The following RBFOX1 variants were observed in gnomAD, a reference collection of about 807,000 sequenced individuals.
RBFOX1 encodes the protein RNA binding fox-1 homolog 1, also known as RNA binding protein fox-1 homolog 1.
RBFOX1 carries 8 observed loss-of-function variants against 57.7 expected under a neutral mutation model. The ratio of observed to expected loss-of-function variants is 0.14; its 90% confidence interval spans 0.08 to 0.25. RBFOX1 has a LOEUF of 0.25. RBFOX1 is among the 10% of genes least tolerant of loss of function. The pLI is 1.00. For missense variants in RBFOX1, 611 were observed against 548.5 expected (o/e 1.11, Z -1.14); for synonymous variants, 326 against 222.4 (o/e 1.47, Z -4.15).
chr16:7,252,906 G>C (rs1418754812), intron 4 of RBFOX1, among the ~76,000 whole-genome samples: 1 of 152,046 alleles, frequency 6.6e-6, no homozygotes, highest in Non-Finnish European at 1.5e-5. Context: ...CGTTATCTTA[G>C]AGCCTCCAAA....
At position 5,805,099 on chromosome 16, in the gene RBFOX1, C is replaced by G. The variant is rs528098558; in HGVS notation, c.319-62204C>G. Among the ~76,000 whole-genome samples, 21 of 151,908 alleles carry G rather than the reference C, an allele frequency of 1.4e-4. No homozygotes were observed. The South Asian group carries it at 4.2e-3, about 30-fold the overall frequency. On this transcript the variant is annotated intron_variant, in intron 3 of 19. Coordinates refer to the RBFOX1 transcript ENST00000641259. ...GAAGGTGATCTAGTGTGGATTTGGG[C>G]TAAAAGCTGGGAAGGGGGCAGTTTG...
intron 4 of RBFOX1, among the ~76,000 whole-genome samples, chr16:7,477,145 G>C (rs1270216795): frequency 1.3e-5 from 2 of 152,078 alleles, no homozygotes; most frequent in East Asian, 3.9e-4. Flanking sequence ...TCACACATGA[G>C]AATCACAAAA....
At chr16:6,165,229 A>G (rs938029434) in intron 1 of RBFOX1, among the ~76,000 whole-genome samples, 1 of 152,206 alleles carries the variant, frequency 6.6e-6, no homozygotes, top group African/African-American at 2.4e-5. Flanking sequence ...ATGATGAATG[A>G]AAGGCTTTAC....
chr16:7,327,477 C>T (rs112808028), intron 4 of RBFOX1, among the ~76,000 whole-genome samples: 1 of 152,104 alleles, frequency 6.6e-6, no homozygotes, highest in Non-Finnish European at 1.5e-5. Context: ...ATAATCTGCA[C>T]AAATCTGTAT....
At chr16:5,554,557 G>A (rs1037277670) in intron 2 of RBFOX1, among the ~76,000 whole-genome samples, 1 of 152,048 alleles carries the variant, frequency 6.6e-6, no homozygotes, top group Non-Finnish European at 1.5e-5. Flanking sequence ...ATCAGATAGT[G>A]TATATTTCTA....
chr16:5,778,259 C>T (rs1271686680), intron 3 of RBFOX1, among the ~76,000 whole-genome samples: 2 of 152,160 alleles, frequency 1.3e-5, no homozygotes, highest in African/African-American at 2.4e-5. Flanking sequence ...CAAGGCATTC[C>T]TTGGCACCTT....
chr16:6,579,944 CT>C (rs200301160), intron 2 of RBFOX1, among the ~76,000 whole-genome samples: 2 of 151,808 alleles, frequency 1.3e-5, no homozygotes, highest in African/African-American at 2.4e-5. Context: ...ACCTGTTCAT[CT>C]TTTTTTTGTT....
intron 1 of RBFOX1, among the ~76,000 whole-genome samples, chr16:6,189,794 C>G (rs1191406636): frequency 6.6e-6 from 1 of 152,152 alleles, no homozygotes; most frequent in Non-Finnish European, 1.5e-5. Context: ...TGGATATTTT[C>G]TCCCTTTCTG....
At chr16:6,015,731 C>T (rs2094989617), upstream of RBFOX1, among the ~76,000 whole-genome samples, 1 of 152,208 alleles carries the variant, frequency 6.6e-6, no homozygotes, top group South Asian at 2.1e-4. Flanking sequence ...TATTTATCTT[C>T]TCTATTTAGA....
At chr16:6,512,120 A>C (rs1230261500) in intron 2 of RBFOX1, among the ~76,000 whole-genome samples, 1 of 125,034 alleles carries the variant, frequency 8.0e-6, no homozygotes, top group Admixed American at 7.5e-5. Context: ...AAATAAAATG[A>C]AAAAAAAAAA....
At chr16:5,711,008 A>T (rs1220434643) in intron 3 of RBFOX1, among the ~76,000 whole-genome samples, 1 of 152,230 alleles carries the variant, frequency 6.6e-6, no homozygotes, top group Non-Finnish European at 1.5e-5. Context: ...ACCCTAGGGT[A>T]AGTGGGAAGC....
intron 4 of RBFOX1, among the ~76,000 whole-genome samples, chr16:7,262,515 T>A (rs150075977): frequency 9.8e-4 from 150 of 152,390 alleles, no homozygotes; most frequent in African/African-American, 3.5e-3. Context: ...CCTACTGCAA[T>A]GAGCCACATT....
chr16:6,351,616 C>T (rs7204366), intron 2 of RBFOX1, among the ~76,000 whole-genome samples: 11,234 of 151,696 alleles, frequency 0.074, 1,327 homozygotes, highest in African/African-American at 0.25. Flanking sequence ...TCAGGTGATC[C>T]GCCCGTCTTG....
chr16:6,114,186 G>A (rs562186462), intron 1 of RBFOX1, among the ~76,000 whole-genome samples: 2 of 152,090 alleles, frequency 1.3e-5, no homozygotes, highest in Non-Finnish European at 2.9e-5. Context: ...TTCTTCTCTT[G>A]TTGGTTATTT....
intron 5 of RBFOX1, among the ~76,000 whole-genome samples, chr16:7,538,259 A>G (rs977574261): frequency 6.6e-6 from 1 of 152,154 alleles, no homozygotes; most frequent in Non-Finnish European, 1.5e-5. Flanking sequence ...TCCTTCCGCC[A>G]TCAATAAGAT....
intron 2 of RBFOX1, among the ~76,000 whole-genome samples, chr16:5,562,369 A>G (rs1490660458): frequency 6.6e-6 from 1 of 152,130 alleles, no homozygotes; most frequent in African/African-American, 2.4e-5. Context: ...GTCAGGATTC[A>G]GTGAAGAACC....
intron 3 of RBFOX1, among the ~76,000 whole-genome samples, chr16:6,984,882 C>G (rs576053085): frequency 9.9e-5 from 15 of 152,180 alleles, no homozygotes; most frequent in African/African-American, 3.6e-4. Flanking sequence ...CTCAGCTGAT[C>G]CACCTGCCTC....
intron 9 of RBFOX1, among the ~76,000 whole-genome samples, chr16:7,604,294 G>A (rs1359568830): frequency 6.6e-6 from 1 of 152,158 alleles, no homozygotes; most frequent in East Asian, 1.9e-4. Context: ...TGGGAGTGGA[G>A]TAGCCTTGTT....
intron 3 of RBFOX1, among the ~76,000 whole-genome samples, chr16:6,898,071 C>T (rs1007691178): frequency 6.6e-6 from 1 of 152,184 alleles, no homozygotes; most frequent in Non-Finnish European, 1.5e-5. Flanking sequence ...TGATACTTGG[C>T]AGTTATTTCA....
Sources: gnomAD v4.1 joint callset for allele counts (sites outside exome capture counted in the v4.1 genomes callset) on GRCh38, gnomAD v4.1.1 for gene constraint, MANE v1.5 for transcripts, NCBI Gene and HGNC (gene_info 2026-07-23, HGNC 2026-07-21) for gene names.